SDCCAG8: variants seen among roughly 807,000 people sequenced by gnomAD.
The protein encoded by SDCCAG8 is serologically defined colon cancer antigen 8.
In SDCCAG8, 74 loss-of-function variants were observed where a neutral mutation model predicts 101.8. That is an observed-to-expected ratio of 0.73 (90% CI 0.60 to 0.88). The LOEUF is 0.88. SDCCAG8 is among the 40% of genes least tolerant of loss of function. The pLI, the probability that SDCCAG8 is intolerant of heterozygous loss-of-function variation, is 0.00. For synonymous variants in SDCCAG8, 281 were observed against 292.9 expected (o/e 0.96, Z 0.41); for missense variants, 787 against 822.6 (o/e 0.96, Z 0.53).
At chr1:243,284,944 G>A (rs1241824423) in intron 4 of SDCCAG8, among the ~76,000 whole-genome samples, 1 of 151,798 alleles carries the variant, frequency 6.6e-6, no homozygotes. Flanking sequence ...GTGCAGTGGC[G>A]TGATCTTGGC....
At chr1:243,312,673 TTCAGCCTGG>T (rs2072851751) in intron 8 of SDCCAG8, among the ~76,000 whole-genome samples, 2 of 141,668 alleles carry the variant, frequency 1.4e-5, no homozygotes, top group Non-Finnish European at 3.0e-5. Context: ...GCCACTGCAC[TTCAGCCTGG>T]GCAACAGAGG....
intron 8 of SDCCAG8, among the ~76,000 whole-genome samples, chr1:243,310,946 T>G (rs2072661948): frequency 6.6e-6 from 1 of 152,028 alleles, no homozygotes. Flanking sequence ...ATTTCAAGAG[T>G]TGGTGAGGTC....
At chr1:243,376,261 A>G (rs956130288) in intron 12 of SDCCAG8, among the ~76,000 whole-genome samples, 1 of 152,202 alleles carries the variant, frequency 6.6e-6, no homozygotes, top group Non-Finnish European at 1.5e-5. Flanking sequence ...TCTGCTAAGT[A>G]TTCCTAGCCT....
intron 10 of SDCCAG8, among the ~76,000 whole-genome samples, chr1:243,336,991 C>T (rs1165398396): frequency 1.3e-5 from 2 of 152,046 alleles, no homozygotes; most frequent in Non-Finnish European, 2.9e-5. Context: ...TGCAGAAGCT[C>T]TTTGGTGTAA....
chr1:243,264,920 C>T (rs970445823), intron 1 of SDCCAG8, among the ~76,000 whole-genome samples: 3 of 152,134 alleles, frequency 2.0e-5, no homozygotes, highest in Non-Finnish European at 4.4e-5. Context: ...TGTGTTCTCT[C>T]TCTTGGTTAG....
chr1:243,294,479 G>C (rs1453163270), intron 6 of SDCCAG8, among the ~76,000 whole-genome samples: 7 of 125,644 alleles, frequency 5.6e-5, no homozygotes, highest in African/African-American at 1.7e-4. Flanking sequence ...AAGGTGGGGG[G>C]GGGGAGAGAG....
chr1:243,275,744 A>G (rs1228248847), intron 4 of SDCCAG8, among the ~76,000 whole-genome samples: 7 of 151,798 alleles, frequency 4.6e-5, no homozygotes, highest in Admixed American at 3.9e-4. Flanking sequence ...TAGAGAACAT[A>G]GTATAGGCCT....
chr1:243,493,826 G>A (rs1336774231), intron 17 of SDCCAG8, among the ~76,000 whole-genome samples: 1 of 151,684 alleles, frequency 6.6e-6, no homozygotes, highest in Admixed American at 6.6e-5. Context: ...AAACAAGCAG[G>A]GGACACAGAG....
At chr1:243,477,707 A>C (rs1662707875) in intron 16 of SDCCAG8, among the ~76,000 whole-genome samples, 1 of 152,144 alleles carries the variant, frequency 6.6e-6, no homozygotes, top group African/African-American at 2.4e-5. Context: ...GCTGTGCTGG[A>C]GCTTGAAGAG....
chr1:243,402,707 G>T (rs114101779), intron 13 of SDCCAG8, among the ~76,000 whole-genome samples: 14 of 152,232 alleles, frequency 9.2e-5, no homozygotes, highest in Non-Finnish European at 2.1e-4. Context: ...TTCCCACAAT[G>T]CCCAGCAGAG....
At chr1:243,455,972 G>A (rs1321885153) in intron 16 of SDCCAG8, among the ~76,000 whole-genome samples, 3 of 152,210 alleles carry the variant, frequency 2.0e-5, no homozygotes, top group African/African-American at 7.2e-5. Flanking sequence ...GGGTCAGAAT[G>A]GCCTCTGGAC....
At chr1:243,258,765 A>C (rs1424069171) in intron 1 of SDCCAG8, among the ~76,000 whole-genome samples, 1 of 152,202 alleles carries the variant, frequency 6.6e-6, no homozygotes, top group East Asian at 1.9e-4. Flanking sequence ...GTTATGTGGA[A>C]ATTCCTTATT....
At chr1:243,353,652 A>G (rs1292524629) in intron 12 of SDCCAG8, among the ~76,000 whole-genome samples, 1 of 152,082 alleles carries the variant, frequency 6.6e-6, no homozygotes, top group Non-Finnish European at 1.5e-5. Flanking sequence ...TTGGTTCCAT[A>G]GCATTTTTGT....
At chr1:243,429,207 G>C (rs1333410297) in intron 16 of SDCCAG8, among the ~76,000 whole-genome samples, 1 of 152,056 alleles carries the variant, frequency 6.6e-6, no homozygotes, top group Non-Finnish European at 1.5e-5. Flanking sequence ...TAAACTTATG[G>C]CATCAATATA....
chr1:243,463,988 C>T (rs3006910), intron 16 of SDCCAG8, among the ~76,000 whole-genome samples: 8,480 of 152,160 alleles, frequency 0.056, 807 homozygotes, highest in African/African-American at 0.19. Flanking sequence ...AATAACCCTT[C>T]ATTCAGAGCC....
chr1:243,296,557 T>TTTTG, intron 6 of SDCCAG8, among the ~76,000 whole-genome samples: 1 of 142,372 alleles, frequency 7.0e-6, no homozygotes, highest in East Asian at 2.1e-4. Context: ...TTTTTTTTTT[T>TTTTG]TTTGAGACGG....
chr1:243,282,785 C>T (rs937489327), intron 4 of SDCCAG8, among the ~76,000 whole-genome samples: 1 of 152,084 alleles, frequency 6.6e-6, no homozygotes, highest in African/African-American at 2.4e-5. Flanking sequence ...CCAGGTAATT[C>T]TTATCCTTGC....
intron 16 of SDCCAG8, among the ~76,000 whole-genome samples, chr1:243,481,055 T>A (rs1358789507): frequency 6.6e-6 from 1 of 151,556 alleles, no homozygotes; most frequent in Non-Finnish European, 1.5e-5. Flanking sequence ...TGTCAGGTGG[T>A]GAGTTTGAGG....
intron 10 of SDCCAG8, among the ~76,000 whole-genome samples, chr1:243,337,638 A>G (rs1307116246): frequency 6.6e-6 from 1 of 152,218 alleles, no homozygotes; most frequent in East Asian, 1.9e-4. Flanking sequence ...TCAAGAATTG[A>G]TAGGATTAAG....
Sources: gnomAD v4.1 joint callset for allele counts (sites outside exome capture counted in the v4.1 genomes callset) on GRCh38, gnomAD v4.1.1 for gene constraint, MANE v1.5 for transcripts, NCBI Gene and HGNC (gene_info 2026-07-23, HGNC 2026-07-21) for gene names.